Variants in WWP2 observed in about 807,000 individuals in gnomAD.
WWP2 encodes WW domain containing E3 ubiquitin protein ligase 2, also known as NEDD4-like E3 ubiquitin-protein ligase WWP2.
Under a neutral mutation model 121.0 loss-of-function variants are expected in WWP2, and 57 were observed. The observed-to-expected ratio is 0.47, with a 90% CI of 0.38 to 0.59. The LOEUF is 0.59. WWP2 is among the 20% of genes least tolerant of loss of function. WWP2 has a pLI of 0.00. For synonymous variants in WWP2, 449 were observed against 441.3 expected (o/e 1.02, Z -0.22); for missense variants, 962 against 1,158.9 (o/e 0.83, Z 2.47).
intron 4 of WWP2, among the ~76,000 whole-genome samples, chr16:69,833,415 C>T (rs1388763355): frequency 6.6e-6 from 1 of 151,930 alleles, no homozygotes; most frequent in African/African-American, 2.4e-5. Context: ...TTTTTTTTCT[C>T]TGGTGTGGTG....
rs796448456 is a variant in WWP2, at chr16:69,931,007, A to G, written c.1446-145A>G. On this transcript the variant is annotated intron_variant, in intron 13 of 23. Transcript: ENST00000359154. Reference sequence around the variant, plus strand: ...TTCTAGATTTTCTTTTTTATTCTTCAAGGATCTTAATGACAGTCACTTCCT... The same window carrying G: ...TTCTAGATTTTCTTTTTTATTCTTCGAGGATCTTAATGACAGTCACTTCCT... 6.7e-6 allele frequency: 5 copies of G among 744,176 alleles called. No individual in the cohort carries two copies. The African/African-American group carries it at 8.7e-5, about 13-fold the overall frequency. 46.1% of individuals were successfully genotyped at this position (744,176 alleles called of 1,614,324 possible).
At chr16:69,853,013 G>A (rs1364207494) in intron 6 of WWP2, among the ~76,000 whole-genome samples, 1 of 152,160 alleles carries the variant, frequency 6.6e-6, no homozygotes, top group African/African-American at 2.4e-5. Flanking sequence ...AGTTCACAAA[G>A]GGTCTTTTGT....
Position 69,925,336 on chromosome 16 carries a change from C to A in WWP2, c.1180-94C>A. On this transcript the variant is annotated intron_variant, in intron 10 of 23. Coordinates refer to ENST00000359154, the MANE Select transcript of WWP2 (RefSeq NM_001270454.2). The surrounding 1 kb of genome is among the most constrained non-coding windows in gnomAD (Gnocchi z 4.0). Reference sequence around the variant, plus strand: ...CTGCAAAGCGCTCAAATGTGGAAGCCAGTCATTGGCATTTTTATTTTTTAT... The same window carrying A: ...CTGCAAAGCGCTCAAATGTGGAAGCAAGTCATTGGCATTTTTATTTTTTAT... 6.4e-7 allele frequency: 1 copy of A among 1,564,362 alleles called. No homozygotes were observed. The highest frequency in any genetic ancestry group is 8.7e-7 in the Non-Finnish European group (1 of 1,151,104).
At chr16:69,848,267 A>G (rs2057123881) in intron 6 of WWP2, among the ~76,000 whole-genome samples, 1 of 152,050 alleles carries the variant, frequency 6.6e-6, no homozygotes, top group South Asian at 2.1e-4. Context: ...CCTGACCAAC[A>G]TGGAGAAACC....
chr16:69,888,308 C>G (rs768227840), intron 8 of WWP2, 59 bp downstream of exon 8: 2 of 1,546,374 alleles, frequency 1.3e-6, no homozygotes, highest in Admixed American at 2.0e-5. Flanking sequence ...GGCTCCTTTA[C>G]GGGGGTGGAA....
rs776953004 is a variant in WWP2, at chr16:69,779,571, C to G, written c.-15-7425C>G. 2.4e-4 allele frequency among the ~76,000 whole-genome samples: 36 copies of G among 151,948 alleles called. No homozygotes were observed. In the Middle Eastern group the frequency reaches 0.01, roughly 43 times the overall value. ...GTGTAGATCAAAAAGTTTGGTCTTTCTTCTGTTGAACAGGCCATGTATGGG... is the reference window on the plus strand; with the variant it reads ...GTGTAGATCAAAAAGTTTGGTCTTTGTTCTGTTGAACAGGCCATGTATGGG... On this transcript the variant is annotated intron_variant, in intron 1 of 23. Coordinates refer to ENST00000359154, the MANE Select transcript of WWP2 (RefSeq NM_001270454.2).
At chr16:69,902,713 G>A (rs768634216) in intron 8 of WWP2, among the ~76,000 whole-genome samples, 2 of 152,150 alleles carry the variant, frequency 1.3e-5, no homozygotes, top group African/African-American at 2.4e-5. Context: ...ACAGGGATGC[G>A]CTGATGAAAA....
intron 2 of WWP2, among the ~76,000 whole-genome samples, chr16:69,794,733 A>C (rs1289653549): frequency 6.6e-6 from 1 of 152,222 alleles, no homozygotes; most frequent in East Asian, 1.9e-4. Context: ...GAAGTCTTTA[A>C]AAATCATTGT....
chr16:69,772,457 A>T (rs1399904415), intron 1 of WWP2, among the ~76,000 whole-genome samples: 1 of 152,150 alleles, frequency 6.6e-6, no homozygotes, highest in Admixed American at 6.6e-5. Flanking sequence ...CCTGGAAAGA[A>T]TTCAAGGGCA....
At chr16:69,881,649 A>G (rs952944663) in intron 7 of WWP2, among the ~76,000 whole-genome samples, 1 of 152,206 alleles carries the variant, frequency 6.6e-6, no homozygotes, top group African/African-American at 2.4e-5. Flanking sequence ...AATATCCAAA[A>G]TTATTCCAAA....
chr16:69,824,833 T>G (rs2965755), intron 4 of WWP2, among the ~76,000 whole-genome samples: 1 of 143,566 alleles, frequency 7.0e-6, no homozygotes, highest in African/African-American at 2.6e-5. Flanking sequence ...TACAGTGGTG[T>G]GATCTTGGCT....
intron 9 of WWP2, among the ~76,000 whole-genome samples, chr16:69,914,475 C>G (rs2058450822): frequency 1.3e-5 from 2 of 152,070 alleles, no homozygotes; most frequent in Admixed American, 1.3e-4. Context: ...AAATGATTTC[C>G]TGCCGGGCAC....
chr16:69,842,730 C>A (rs1446668906), intron 6 of WWP2, among the ~76,000 whole-genome samples: 1 of 152,112 alleles, frequency 6.6e-6, no homozygotes, highest in East Asian at 1.9e-4. Flanking sequence ...AGTGCTATGG[C>A]ACCATCACAG....
At chr16:69,769,812 C>T (rs2055374272) in intron 1 of WWP2, among the ~76,000 whole-genome samples, 1 of 150,742 alleles carries the variant, frequency 6.6e-6, no homozygotes, top group South Asian at 2.1e-4. Flanking sequence ...TATATTTAGT[C>T]TTCCTCCCAT....
At position 69,778,194 on chromosome 16, in the gene WWP2, T is replaced by TA. The variant is rs1376050437; in HGVS notation, c.-15-8802_-15-8801insA. Among the ~76,000 whole-genome samples, 549 of 112,272 alleles carry TA rather than the reference T, an allele frequency of 4.9e-3. 5 individuals carry two copies. Among genetic ancestry groups the TA allele is most frequent in the Middle Eastern group, 9.3e-3 (2 of 214 alleles). 73.7% of individuals were successfully genotyped at this position (112,272 alleles called of 152,430 possible). On this transcript the variant is annotated intron_variant, in intron 1 of 23. Coordinates refer to ENST00000359154, the MANE Select transcript of WWP2 (RefSeq NM_001270454.2). ...AATAAATATATATATATATATATAT[T>TA]TTTTTTTTTTTGAGAAATTTCAATA...
Position 69,940,030 on chromosome 16 carries a change from G to A in WWP2, c.*90G>A. ...CCACTGGCCCCGCAGCCCTTGGGAGGCCCCCGTGGATGTGGCCCTGTGTGG... is the reference window on the plus strand; with the variant it reads ...CCACTGGCCCCGCAGCCCTTGGGAGACCCCCGTGGATGTGGCCCTGTGTGG... On this transcript the variant is annotated 3_prime_UTR_variant, in exon 24 of 24. Coordinates refer to ENST00000359154, the MANE Select transcript of WWP2 (RefSeq NM_001270454.2). The A allele has an allele frequency of 1.8e-6, 2 of 1,094,178 alleles. No homozygotes were observed. The highest frequency in any genetic ancestry group is 2.6e-6 in the Non-Finnish European group (2 of 757,192). The allele number at this position is 1,094,178 out of a possible 1,614,324, so 67.8% of individuals were successfully genotyped here.
chr16:69,930,001 T>G (rs2151988896), intron 12 of WWP2, 129 bp from the exon 13 acceptor site: 1 of 1,379,740 alleles, frequency 7.2e-7, no homozygotes, highest in Admixed American at 2.5e-5. Flanking sequence ...TCATGCTTCT[T>G]GGGTGCATGT....
rs532331157 is a variant in WWP2, at chr16:69,799,672, A to T, written c.340+377A>T. Among the ~76,000 whole-genome samples, 1 of 152,290 alleles carries T rather than the reference A, an allele frequency of 6.6e-6. No homozygotes were observed. Among genetic ancestry groups the T allele is most frequent in the African/African-American group, 2.4e-5 (1 of 41,570 alleles). On this transcript the variant is annotated intron_variant, in intron 4 of 23. Coordinates refer to ENST00000359154, the MANE Select transcript of WWP2 (RefSeq NM_001270454.2). The surrounding 1 kb of genome is among the most constrained non-coding windows in gnomAD (Gnocchi z 4.5). Reference sequence around the variant, plus strand: ...CTAGCCTCAGCCCTAAAACAGAACAAAGGAGCTGTGTGTATACGTATATGT... The same window carrying T: ...CTAGCCTCAGCCCTAAAACAGAACATAGGAGCTGTGTGTATACGTATATGT...
At chr16:69,917,228 G>A (rs1409980620) in intron 9 of WWP2, among the ~76,000 whole-genome samples, 1 of 152,226 alleles carries the variant, frequency 6.6e-6, no homozygotes, top group African/African-American at 2.4e-5. Context: ...ATATCACCAA[G>A]GAATTGGCTT....
Sources: allele counts gnomAD v4.1 joint callset (sites outside exome capture counted in the v4.1 genomes callset), GRCh38; gene constraint gnomAD v4.1.1; non-coding constraint Gnocchi (gnomAD v3.1); transcripts MANE v1.5; gene names NCBI Gene and HGNC (gene_info 2026-07-23, HGNC 2026-07-21).